PPP6R1: variants seen among roughly 807,000 people sequenced by gnomAD.
PPP6R1 encodes the protein protein phosphatase 6 regulatory subunit 1.
PPP6R1 carries 39 observed loss-of-function variants against 104.6 expected under a neutral mutation model. The observed-to-expected ratio is 0.37, with a 90% confidence interval of 0.29 to 0.49. PPP6R1 has a LOEUF of 0.49. Among genes scored for constraint, PPP6R1 ranks in the 20% least tolerant of loss-of-function variants. The probability of loss-of-function intolerance (pLI) is 0.98; values close to 1 mark genes in which losing one functional copy is unlikely to be tolerated. For synonymous variants in PPP6R1, 549 were observed against 479.0 expected (o/e 1.15, Z -1.91); for missense variants, 1,181 against 1,155.8 (o/e 1.02, Z -0.32).
intron 10 of PPP6R1, 151 bp downstream of exon 10, chr19:55,240,794 G>T: frequency 8.8e-7 from 1 of 1,140,934 alleles, no homozygotes. Flanking sequence ...GTTTCTCCCT[G>T]GCCATGCCTC....
At position 55,239,891 on chromosome 19, in the gene PPP6R1, C is replaced by T. The variant is rs1197609336; in HGVS notation, c.1498G>A (p.Glu500Lys). The T allele has an allele frequency of 6.2e-7, 1 of 1,613,888 alleles. No individual in the cohort carries two copies. The highest frequency in any genetic ancestry group is 1.1e-5 in the South Asian group (1 of 91,066). The change falls in exon 13 of 24, where the codon GAG becomes AAG. Residue 500 changes from glutamate to lysine, a missense_variant. Glu to Lys is a moderately conservative substitution (Grantham distance 56). Around this residue, in one of 2 missense-constraint regions of PPP6R1, gnomAD observed 1,042 missense variants for 955.6 expected, o/e 1.09. Coordinates refer to ENST00000412770, the MANE Select transcript of PPP6R1 (RefSeq NM_014931.4). Reference protein sequence around the residue: ...LLKELPSEQQEQWEAFVSGPL... With the variant: ...LLKELPSEQQKQWEAFVSGPL... The stretch of plus-strand genomic sequence containing the variant: ...CCCGATACGAAGGCTTCCCACTGCT[C>T]CTGCTGCTCGCTGGGCAGCTCTGCT...
At chr19:55,233,588 C>T (rs1468827060) in intron 17 of PPP6R1, among the ~76,000 whole-genome samples, 4 of 152,204 alleles carry the variant, frequency 2.6e-5, no homozygotes, top group African/African-American at 9.6e-5. Flanking sequence ...TACATTAGTT[C>T]AGCAAGGTTG....
chr19:55,248,493 A>G (rs1471931451), intron 1 of PPP6R1, among the ~76,000 whole-genome samples: 1 of 152,250 alleles, frequency 6.6e-6, no homozygotes, highest in African/African-American at 2.4e-5. Context: ...GGATGCTGAG[A>G]ACAGAGCAGA....
Position 55,241,470 on chromosome 19 carries a change from C to T in PPP6R1, c.1008+7G>A. On this transcript the variant is annotated splice_region_variant and intron_variant, in intron 8 of 23. Transcript: ENST00000412770. The surrounding 1 kb of genome is among the most constrained non-coding windows in gnomAD (Gnocchi z 5.4). ...CCTCCCCGAGGACCAGAACCCACAC[C>T]CCTGACCTTGGGAGGCTCCAGCAGG... 3 of 1,604,048 alleles carry T rather than the reference C, an allele frequency of 1.9e-6. No homozygotes were observed. The highest frequency in any genetic ancestry group is 1.7e-4 in the Middle Eastern group (1 of 6,000).
chr19:55,240,784 G>T (rs973165160), intron 10 of PPP6R1, among the ~76,000 whole-genome samples, 161 bp downstream of exon 10: 15 of 152,122 alleles, frequency 9.9e-5, no homozygotes, highest in African/African-American at 3.6e-4. Flanking sequence ...TTTCATCCGC[G>T]TTTCTCCCTG....
At chr19:55,238,876 C>T (rs930505194) in intron 15 of PPP6R1, 3 of 160,260 alleles carry the variant, frequency 1.9e-5, no homozygotes, top group African/African-American at 7.2e-5. Context: ...CCAGAGGTGA[C>T]TGATATTAAG....
chr19:55,228,418 C>A, downstream of PPP6R1: 1 of 1,612,796 alleles, frequency 6.2e-7, no homozygotes, highest in East Asian at 2.2e-5. Flanking sequence ...GGGGCTCAGC[C>A]ACCTGCAGAC....
In PPP6R1 at chr19:55,242,217, A is replaced by G; in HGVS notation, c.794T>C (p.Ile265Thr). Residue 265 changes from isoleucine (I) to threonine (T), a missense_variant, in exon 7 of 24, where the codon ATC (isoleucine) becomes ACC (threonine). By Grantham distance (89) the Ile-to-Thr change is moderately conservative. Around this residue, in one of 2 missense-constraint regions of PPP6R1, gnomAD observed 1,042 missense variants for 955.6 expected, o/e 1.09. Coordinates refer to ENST00000412770, the MANE Select transcript of PPP6R1 (RefSeq NM_014931.4). The stretch of plus-strand genomic sequence containing the variant: ...CAGCAGCACCTGGATCCCACTGACG[A>G]TGACAGACTGGCTCTGCTCCCCCTC... Reference protein sequence around the residue: ...MFEGEQSQSVIVSGIQVLLTL... With the variant: ...MFEGEQSQSVTVSGIQVLLTL... The G allele has an allele frequency of 6.2e-7, 1 of 1,613,810 alleles. No individual in the cohort carries two copies. Among genetic ancestry groups the G allele is most frequent in the East Asian group, 2.2e-5 (1 of 44,870 alleles).
At chr19:55,228,725 G>A (rs372723293), downstream of PPP6R1, 30 of 1,613,084 alleles carry the variant, frequency 1.9e-5, no homozygotes, top group Middle Eastern at 1.6e-4. Context: ...GGTCTGCCCC[G>A]CTTTGCCAGC....
At chr19:55,254,930 G>A (rs1187801217) in intron 1 of PPP6R1, among the ~76,000 whole-genome samples, 1 of 152,232 alleles carries the variant, frequency 6.6e-6, no homozygotes, top group Non-Finnish European at 1.5e-5. Context: ...CAGGACCTAC[G>A]GTGTGTGCCG....
At position 55,241,706 on chromosome 19, in the gene PPP6R1, A is replaced by C. The variant is rs2087459646; in HGVS notation, c.846-67T>G. ...CCTGTGCGCCCACACAGGAGTAGGC[A>C]CAAGGACCACGTCTGCAGGGTCTGG... On this transcript the variant is annotated intron_variant, in intron 7 of 23. Coordinates refer to ENST00000412770, the MANE Select transcript of PPP6R1 (RefSeq NM_014931.4). This position sits in a 1 kb window ranked among gnomAD's most constrained non-coding sequence, Gnocchi z 5.4. The C allele has an allele frequency of 8.9e-6, 13 of 1,464,128 alleles. No homozygotes were observed. In the South Asian group the frequency reaches 1.1e-4, roughly 12 times the overall value. The allele number at this position is 1,464,128 out of a possible 1,614,324, so 90.7% of individuals were successfully genotyped here. A position where few individuals can be genotyped will look rare whatever the true frequency, so the allele number is the denominator to read the frequency against.
intron 5 of PPP6R1, among the ~76,000 whole-genome samples, chr19:55,243,044 G>A (rs973425833): frequency 5.9e-5 from 9 of 152,124 alleles, no homozygotes. Context: ...TGAACACAGG[G>A]CATCTTTTTT....
intron 1 of PPP6R1, among the ~76,000 whole-genome samples, chr19:55,249,136 T>C (rs929626049): frequency 6.6e-6 from 1 of 152,134 alleles, no homozygotes; most frequent in Non-Finnish European, 1.5e-5. Context: ...CTAGGGGAGA[T>C]AGCAGCAGCC....
At chr19:55,235,401 A>G (rs1335594608) in intron 17 of PPP6R1, among the ~76,000 whole-genome samples, 1 of 152,138 alleles carries the variant, frequency 6.6e-6, no homozygotes, top group Non-Finnish European at 1.5e-5. Flanking sequence ...GGAAGGAGAC[A>G]GGGAGGCGGG....
intron 2 of PPP6R1, among the ~76,000 whole-genome samples, chr19:55,246,652 C>T (rs1020286436): frequency 6.6e-6 from 1 of 152,310 alleles, no homozygotes; most frequent in East Asian, 1.9e-4. Flanking sequence ...TTTGTGGCTG[C>T]CGTGACCCGT....
chr19:55,228,592 GC>G, downstream of PPP6R1: 1 of 1,528,280 alleles, frequency 6.5e-7, no homozygotes. Context: ...GCTTCCCAGG[GC>G]CCAACCAACT....
intron 17 of PPP6R1, among the ~76,000 whole-genome samples, chr19:55,235,492 A>G (rs1277044363): frequency 4.6e-5 from 7 of 151,732 alleles, no homozygotes; most frequent in Admixed American, 3.3e-4. Context: ...CTTTCTTTTC[A>G]TAACTTAACT....
rs533318556 is a variant in PPP6R1 at position 55,236,995 on chromosome 19, G to A, written c.1752-25C>T. 4 of 1,588,644 alleles carry A rather than the reference G, an allele frequency of 2.5e-6. No individual in the cohort carries two copies. The South Asian group carries it at 4.4e-5, about 18-fold the overall frequency. On this transcript the variant is annotated intron_variant, in intron 15 of 23. Transcript: ENST00000412770. ...GCTAGGAGAGAAGGCAAGGCATGGT[G>A]AGAAGGTCCACCTGGGGGTGGGGGC...
chr19:55,247,726 T>G (rs2087522124), intron 1 of PPP6R1, among the ~76,000 whole-genome samples: 1 of 152,160 alleles, frequency 6.6e-6, no homozygotes, highest in Non-Finnish European at 1.5e-5. Context: ...AGGAAGTCTG[T>G]GCATCTCCAG....
Sources: allele counts gnomAD v4.1 joint callset (sites outside exome capture counted in the v4.1 genomes callset), GRCh38; gene constraint gnomAD v4.1.1; regional missense constraint gnomAD v4.1.1; non-coding constraint Gnocchi (gnomAD v3.1); transcripts MANE v1.5; gene names NCBI Gene and HGNC (gene_info 2026-07-23, HGNC 2026-07-21).